CRTC3: variants seen among roughly 807,000 people sequenced by gnomAD.
CRTC3 encodes CREB-regulated transcription coactivator 3.
In CRTC3, 26 loss-of-function variants were observed where a neutral mutation model predicts 74.5. That is an observed-to-expected ratio of 0.35 (90% CI 0.26 to 0.48). The LOEUF is 0.48. Among genes scored for constraint, CRTC3 ranks in the 20% least tolerant of loss-of-function variants. CRTC3 has a pLI of 0.99. For synonymous variants in CRTC3, 377 were observed against 325.8 expected (o/e 1.16, Z -1.69); for missense variants, 760 against 787.3 (o/e 0.97, Z 0.41).
chr15:90,614,258 A>G, intron 6 of CRTC3, 195 bp from the exon 7 acceptor site: 1 of 512,452 alleles, frequency 2.0e-6, no homozygotes, highest in Non-Finnish European at 3.4e-6. Context: ...AAGGAACCAA[A>G]TTTAGTTTCA....
intron 3 of CRTC3, chr15:90,600,755 ATCT>A (rs1204730776): frequency 2.6e-5 from 4 of 152,230 alleles, no homozygotes; most frequent in Non-Finnish European, 5.9e-5. Context: ...TGTAGTTTGT[ATCT>A]TCTTTATTAT....
chr15:90,619,465 A>G (rs530554044), intron 8 of CRTC3, among the ~76,000 whole-genome samples: 7 of 152,358 alleles, frequency 4.6e-5, no homozygotes, highest in Admixed American at 6.5e-5. Context: ...AAAAAGCTCT[A>G]TGTGTAAAAC....
intron 5 of CRTC3, among the ~76,000 whole-genome samples, chr15:90,606,009 A>G (rs993702429): frequency 1.3e-5 from 2 of 152,214 alleles, no homozygotes; most frequent in African/African-American, 4.8e-5. Flanking sequence ...TCATCCCAGC[A>G]TTTTGGGAGG....
chr15:90,644,670 C>T lies in CRTC3; in HGVS notation c.*2530C>T, dbSNP rs778646447. ...TTTTCTTGTGAAAGGTTTTGGGCAT[C>T]GTACAACCCACTCTGCCTAGAAGGT... On this transcript the variant is annotated 3_prime_UTR_variant, in exon 15 of 15. Transcript: ENST00000268184. The T allele has an allele frequency of 1.3e-4, 30 of 232,278 alleles. No homozygotes were observed. The highest frequency in any genetic ancestry group is 2.1e-4 in the Non-Finnish European group (25 of 117,550). 14.4% of individuals were successfully genotyped at this position (232,278 alleles called of 1,614,324 possible). A position where few individuals can be genotyped will look rare whatever the true frequency, so the allele number is the denominator to read the frequency against.
chr15:90,545,365 T>A (rs953858015), intron 2 of CRTC3, among the ~76,000 whole-genome samples: 1 of 151,988 alleles, frequency 6.6e-6, no homozygotes, highest in East Asian at 1.9e-4. Flanking sequence ...TACTCAGAAG[T>A]AGGATTGCTG....
intron 2 of CRTC3, among the ~76,000 whole-genome samples, chr15:90,559,119 T>A (rs1302006996): frequency 6.6e-6 from 1 of 152,154 alleles, no homozygotes; most frequent in Non-Finnish European, 1.5e-5. Context: ...GGAGCAAGGG[T>A]GCTTTGGTTC....
chr15:90,567,961 G>T (rs934391724), intron 2 of CRTC3, among the ~76,000 whole-genome samples: 1 of 152,196 alleles, frequency 6.6e-6, no homozygotes, highest in African/African-American at 2.4e-5. Flanking sequence ...TCTGGAAAGG[G>T]TTCACTCTTT....
At chr15:90,568,706 A>G (rs1010380812) in intron 2 of CRTC3, among the ~76,000 whole-genome samples, 1 of 152,148 alleles carries the variant, frequency 6.6e-6, no homozygotes, top group East Asian at 1.9e-4. Flanking sequence ...GTACAGAGAA[A>G]TCTTTTGTGA....
At chr15:90,609,684 G>A (rs1208303082) in intron 6 of CRTC3, among the ~76,000 whole-genome samples, 1 of 152,190 alleles carries the variant, frequency 6.6e-6, no homozygotes, top group Non-Finnish European at 1.5e-5. Flanking sequence ...CTGAGCTGAA[G>A]TATTCATTCT....
At chr15:90,551,982 G>A (rs1458892940) in intron 2 of CRTC3, among the ~76,000 whole-genome samples, 3 of 73,972 alleles carry the variant, frequency 4.1e-5, no homozygotes, top group Admixed American at 1.3e-4. Flanking sequence ...GTCTTCTAAA[G>A]GAACAGACTG....
rs1156259249 is a variant in CRTC3, at chr15:90,563,321, A to G, written c.231+23184A>G. 2.0e-5 allele frequency among the ~76,000 whole-genome samples: 3 copies of G among 152,088 alleles called. 1 individual carries two copies. The highest frequency in any genetic ancestry group is 4.4e-5 in the Non-Finnish European group (3 of 68,002). On this transcript the variant is annotated intron_variant, in intron 2 of 14. Coordinates refer to ENST00000268184, the MANE Select transcript of CRTC3 (RefSeq NM_022769.5). ...CTCGGGAGGCTGAGGCAGGAGAGTC[A>G]CTTGAACCGAGGAGGCGGAAGTTGC... is the stretch of plus-strand genomic sequence containing the variant.
At chr15:90,606,225 C>T (rs986447656) in intron 5 of CRTC3, among the ~76,000 whole-genome samples, 2 of 151,548 alleles carry the variant, frequency 1.3e-5, no homozygotes, top group Non-Finnish European at 2.9e-5. Context: ...GCAGCCTGGG[C>T]GACAAGAGTG....
At chr15:90,640,556 C>T (rs1969400835) in intron 13 of CRTC3, among the ~76,000 whole-genome samples, 1 of 152,074 alleles carries the variant, frequency 6.6e-6, no homozygotes, top group African/African-American at 2.4e-5. Context: ...GGCATGGTGG[C>T]ATGTGGTCCC....
chr15:90,565,317 G>T (rs548338615), intron 2 of CRTC3, among the ~76,000 whole-genome samples: 1 of 152,292 alleles, frequency 6.6e-6, no homozygotes, highest in Non-Finnish European at 1.5e-5. Context: ...ACTTCACAGT[G>T]TCGTGAGGAT....
chr15:90,611,374 T>G (rs1596123739), intron 6 of CRTC3, among the ~76,000 whole-genome samples: 1 of 152,280 alleles, frequency 6.6e-6, no homozygotes, highest in Admixed American at 6.5e-5. Flanking sequence ...TGGAACACAG[T>G]TGCAGCCTTG....
In CRTC3 at chr15:90,625,881, C is replaced by A. The variant is rs1171950373; in HGVS notation, c.855C>A (p.Pro285=). ...TAACCAACCTCCACTACTCGACACC[C>A]CTGCCAGCCTCCCTGGACACCACCG... The part of the protein sequence containing the change: ...PDLTNLHYST[P]LPASLDTTDH... The change falls in exon 10 of 15, where the codon CCC becomes CCA. Residue 285 remains proline, a synonymous_variant. Coordinates refer to ENST00000268184, the MANE Select transcript of CRTC3 (RefSeq NM_022769.5). The A allele has an allele frequency of 1.9e-6, 3 of 1,614,166 alleles. No homozygotes were observed. Among genetic ancestry groups the A allele is most frequent in the Admixed American group, 1.7e-5 (1 of 60,020 alleles).
chr15:90,617,978 C>G lies in CRTC3; in HGVS notation c.699+10C>G, dbSNP rs1217994199. On this transcript the variant is annotated intron_variant, in intron 8 of 14. Transcript: ENST00000268184. ...GTGGGAGACCAAGGAGGTGGGTGAA[C>G]AGTACTCAGCTATGTTTGTTGTCAC... 1 of 1,548,890 alleles carries G rather than the reference C, an allele frequency of 6.5e-7. No homozygotes were observed. Among genetic ancestry groups the G allele is most frequent in the African/African-American group, 1.4e-5 (1 of 73,438 alleles).
At chr15:90,547,444 T>C (rs1966846223) in intron 2 of CRTC3, among the ~76,000 whole-genome samples, 1 of 152,252 alleles carries the variant, frequency 6.6e-6, no homozygotes, top group East Asian at 1.9e-4. Flanking sequence ...TGTAGTACTA[T>C]TTTAATATAC....
intron 1 of CRTC3, among the ~76,000 whole-genome samples, chr15:90,536,498 A>AAG (rs955166871): frequency 1.3e-4 from 19 of 151,972 alleles, no homozygotes; most frequent in Admixed American, 7.9e-4. Flanking sequence ...CTCAAAAAAA[A>AAG]AAAAAAATTG....
Sources: allele counts gnomAD v4.1 joint callset (sites outside exome capture counted in the v4.1 genomes callset), GRCh38; gene constraint gnomAD v4.1.1; transcripts MANE v1.5; gene names NCBI Gene and HGNC (gene_info 2026-07-23, HGNC 2026-07-21).